The following MSTO1 variants were observed in gnomAD, a reference collection of about 807,000 sequenced individuals.
MSTO1 encodes misato mitochondrial distribution and morphology regulator 1.
A neutral mutation model predicts 55.7 loss-of-function variants in MSTO1; 24 were observed. That is an observed-to-expected ratio of 0.43 (90% CI 0.31 to 0.61). The LOEUF is 0.61. Among genes scored for constraint, MSTO1 ranks in the 20% least tolerant of loss-of-function variants. The probability of loss-of-function intolerance (pLI) is 0.09; values close to 1 mark genes in which losing one functional copy is unlikely to be tolerated. For synonymous variants in MSTO1, 162 were observed against 252.8 expected, an observed-to-expected ratio of 0.64 and a Z score of 3.41; for missense variants, 363 against 625.7, an observed-to-expected ratio of 0.58 and a Z score of 4.48.
At chr1:155,563,331 T>C in the MSTO1 span, 1 of 455,304 alleles carries the variant, frequency 2.2e-6, no homozygotes, top group Non-Finnish European at 4.4e-6. Flanking sequence ...CGACTCACGG[T>C]GAGGGAATGG....
At chr1:155,595,279 T>C in the MSTO1 span, among the ~76,000 whole-genome samples, 3 of 141,862 alleles carry the variant, frequency 2.1e-5, no homozygotes, top group South Asian at 7.4e-4. Context: ...CCGGGTTCAC[T>C]CCATTCTCCC....
chr1:155,593,913 G>A, the MSTO1 span, among the ~76,000 whole-genome samples: 2 of 151,824 alleles, frequency 1.3e-5, no homozygotes, highest in Non-Finnish European at 2.9e-5. Context: ...AGCTTGCAGT[G>A]AGCCGAGATC....
the MSTO1 span, among the ~76,000 whole-genome samples, chr1:155,572,142 G>A: frequency 1.3e-5 from 2 of 152,200 alleles, no homozygotes; most frequent in African/African-American, 2.4e-5. Context: ...TGACATTTGG[G>A]GATGGATCAT....
chr1:155,577,806 C>T, the MSTO1 span, among the ~76,000 whole-genome samples: 3 of 152,212 alleles, frequency 2.0e-5, no homozygotes, highest in East Asian at 1.9e-4. Flanking sequence ...TGGAGTGGCG[C>T]GACGCTAGAG....
At chr1:155,591,346 ATCT>A in the MSTO1 span, 5 of 1,062,546 alleles carry the variant, frequency 4.7e-6, no homozygotes, top group Non-Finnish European at 6.8e-6. Flanking sequence ...CATCACGGTG[ATCT>A]TCTAGATTGG....
At chr1:155,592,091 C>T in the MSTO1 span, among the ~76,000 whole-genome samples, 1 of 152,142 alleles carries the variant, frequency 6.6e-6, no homozygotes, top group Non-Finnish European at 1.5e-5. Flanking sequence ...TTAAGTAGTA[C>T]TAGTGTGTGT....
chr1:155,612,123 T>G (rs1674239234), intron 7 of MSTO1, 23 bp downstream of exon 7: 11 of 1,613,040 alleles, frequency 6.8e-6, no homozygotes, highest in Non-Finnish European at 6.8e-6. Flanking sequence ...CAATGTGCAC[T>G]CCAGGGTGGA....
At chr1:155,609,923 T>C (rs1673451885), upstream of MSTO1, 1 of 377,820 alleles carries the variant, frequency 2.6e-6, no homozygotes, top group Non-Finnish European at 4.8e-6. Context: ...TCAAGACAAG[T>C]AGGAAGCAGA....
chr1:155,574,528 G>A, the MSTO1 span, among the ~76,000 whole-genome samples: 1 of 151,978 alleles, frequency 6.6e-6, no homozygotes, highest in Non-Finnish European at 1.5e-5. Flanking sequence ...AAAGCTCTTC[G>A]TACTACGTTT....
chr1:155,582,291 T>C, the MSTO1 span, among the ~76,000 whole-genome samples: 1 of 152,192 alleles, frequency 6.6e-6, no homozygotes, highest in Non-Finnish European at 1.5e-5. Context: ...TCAAATGACA[T>C]GAAAAGACTG....
chr1:155,582,277 G>A, the MSTO1 span, among the ~76,000 whole-genome samples: 1 of 152,170 alleles, frequency 6.6e-6, no homozygotes, highest in Non-Finnish European at 1.5e-5. Context: ...CTGCAGAGAA[G>A]TGTTCAAATG....
At chr1:155,593,765 G>A in the MSTO1 span, among the ~76,000 whole-genome samples, 12 of 151,632 alleles carry the variant, frequency 7.9e-5, no homozygotes, top group Admixed American at 7.2e-4. Flanking sequence ...TCAGGAGATC[G>A]AGACCATCCT....
chr1:155,583,395 C>T, the MSTO1 span, among the ~76,000 whole-genome samples: 1 of 151,566 alleles, frequency 6.6e-6, no homozygotes, highest in South Asian at 2.1e-4. Flanking sequence ...AATATAGCCA[C>T]GAGGTGGTTG....
At chr1:155,600,379 G>A in the MSTO1 span, among the ~76,000 whole-genome samples, 1 of 152,180 alleles carries the variant, frequency 6.6e-6, no homozygotes, top group East Asian at 1.9e-4. Context: ...TTGGGGGTAA[G>A]GTCATAGATT....
At chr1:155,563,431 T>G in the MSTO1 span, 2 of 456,610 alleles carry the variant, frequency 4.4e-6, no homozygotes. Context: ...CCGGCGCGCC[T>G]CCGGGGGGAT....
the MSTO1 span, among the ~76,000 whole-genome samples, chr1:155,571,197 A>G: frequency 7.9e-5 from 12 of 152,200 alleles, no homozygotes; most frequent in Admixed American, 1.3e-4. Context: ...GTACATGCCT[A>G]TAGTCCAAGC....
At chr1:155,578,755 C>T in the MSTO1 span, among the ~76,000 whole-genome samples, 264 of 151,096 alleles carry the variant, frequency 1.7e-3, 4 homozygotes, top group Admixed American at 0.017. Flanking sequence ...TGTGATCCGC[C>T]CGCCTCGGCC....
chr1:155,589,694 G>C, the MSTO1 span, among the ~76,000 whole-genome samples: 3 of 151,958 alleles, frequency 2.0e-5, no homozygotes, highest in African/African-American at 7.2e-5. Flanking sequence ...TCCAGTGTTC[G>C]AGGGCGGGAA....
chr1:155,607,607 C>G (rs760368465), upstream of MSTO1, among the ~76,000 whole-genome samples: 1 of 152,202 alleles, frequency 6.6e-6, no homozygotes, highest in South Asian at 2.1e-4. Flanking sequence ...AAAAAACATT[C>G]AAATCTATTC....
Sources: allele counts gnomAD v4.1 joint callset (sites outside exome capture counted in the v4.1 genomes callset), GRCh38; gene constraint gnomAD v4.1.1; transcripts MANE v1.5; gene names NCBI Gene and HGNC (gene_info 2026-07-23, HGNC 2026-07-21).